Variants in CABIN1 observed in about 807,000 individuals in gnomAD.
CABIN1 encodes calcineurin-binding protein cabin-1.
A neutral mutation model predicts 227.7 loss-of-function variants in CABIN1; 133 were observed. That is an observed-to-expected ratio of 0.58 (90% CI 0.51 to 0.67). The LOEUF is 0.67. Ranked by LOEUF, CABIN1 falls within the 30% of genes least tolerant of loss-of-function variation. The probability of loss-of-function intolerance (pLI) is 0.00; values close to 1 mark genes in which losing one functional copy is unlikely to be tolerated. For synonymous variants in CABIN1, 1,086 were observed against 1,155.1 expected (o/e 0.94, Z 1.21); for missense variants, 2,408 against 2,852.5 (o/e 0.84, Z 3.55).
intron 26 of CABIN1, among the ~76,000 whole-genome samples, chr22:24,111,700 C>A (rs1010129495): frequency 1.3e-5 from 2 of 152,186 alleles, no homozygotes; most frequent in Non-Finnish European, 2.9e-5. Flanking sequence ...AGGAAAAGAT[C>A]AAAATTCAAA....
intron 2 of CABIN1, among the ~76,000 whole-genome samples, chr22:24,035,864 C>T (rs1413181870): frequency 6.6e-6 from 1 of 151,628 alleles, no homozygotes; most frequent in Non-Finnish European, 1.5e-5. Flanking sequence ...ACTTTCTGCA[C>T]AGATTGGCAT....
intron 25 of CABIN1, 60 bp downstream of exon 25, chr22:24,096,142 C>T (rs2041881165): frequency 3.8e-6 from 6 of 1,567,670 alleles, no homozygotes; most frequent in Admixed American, 3.3e-5. Context: ...CCAGATGGCT[C>T]GTTTACTGCA....
rs370538235 is a variant in CABIN1 at position 24,168,463 on chromosome 22, C to T, written c.5699C>T (p.Ala1900Val). The T allele has an allele frequency of 6.4e-6, 10 of 1,571,876 alleles. No homozygotes were observed. The highest frequency in any genetic ancestry group is 5.4e-5 in the African/African-American group (4 of 73,842). The change falls in exon 33 of 37, where the codon GCG (alanine) becomes GTG (valine). Residue 1900 changes from alanine to valine, a missense_variant. Around this residue, in one of 3 missense-constraint regions of CABIN1, gnomAD observed 714 missense variants for 773.8 expected, o/e 0.92. Transcript: ENST00000263119. ...MLIKQVDEEA[A>V]LEQAVKFCQV... The stretch of plus-strand genomic sequence containing the variant: ...CCTGTTAAGGTGGATGAGGAGGCTG[C>T]GCTGGAGCAGGCTGTGAAGTTCTGC...
At chr22:24,173,557 C>G (rs2046949269) in intron 34 of CABIN1, among the ~76,000 whole-genome samples, 1 of 152,168 alleles carries the variant, frequency 6.6e-6, no homozygotes, top group South Asian at 2.1e-4. Flanking sequence ...TAGTGCTGGC[C>G]AGGCGCGGTG....
chr22:24,138,933 T>C (rs1473567520), intron 29 of CABIN1, among the ~76,000 whole-genome samples: 6 of 152,152 alleles, frequency 3.9e-5, no homozygotes, highest in Non-Finnish European at 7.4e-5. Context: ...ATGAAGGTCT[T>C]ATGGCCCACA....
At position 24,081,205 on chromosome 22, in the gene CABIN1, C is replaced by T. The variant is rs1209138607; in HGVS notation, c.2749-2023C>T. ...TTCAATCATTTAAAAATGCAGACATCGTTCTTAACTCCCGGCCTACAAAAC... is the reference window on the plus strand; with the variant it reads ...TTCAATCATTTAAAAATGCAGACATTGTTCTTAACTCCCGGCCTACAAAAC... On this transcript the variant is annotated intron_variant, in intron 19 of 36. Transcript: ENST00000263119. Among the ~76,000 whole-genome samples, 4 of 152,042 alleles carry T rather than the reference C, an allele frequency of 2.6e-5. No homozygotes were observed. In the South Asian group the frequency reaches 6.2e-4, roughly 24 times the overall value.
rs761270955 is a variant in CABIN1 at position 24,062,017 on chromosome 22, G to A, written c.1688G>A (p.Ser563Asn). The A allele has an allele frequency of 2.5e-6, 4 of 1,613,554 alleles. No homozygotes were observed. Among genetic ancestry groups the A allele is most frequent in the East Asian group, 4.5e-5 (2 of 44,888 alleles). Residue 563 changes from serine to asparagine, a missense_variant, in exon 13 of 37, where the codon AGC (serine) becomes AAC (asparagine). By Grantham distance (46) the Ser-to-Asn change is conservative. This residue lies in a region of CABIN1 where 1,045 missense variants were observed against 1,168.4 expected (regional missense o/e 0.89). Transcript: ENST00000263119. ...LDQWLLTKGR[S>N]SAVSPRNCPA... Reference sequence around the variant, plus strand: ...CAGTGGCTGCTGACCAAAGGCAGAAGCTCTGCAGGTAGGAGGCATTATGTG... The same window carrying A: ...CAGTGGCTGCTGACCAAAGGCAGAAACTCTGCAGGTAGGAGGCATTATGTG...
At chr22:24,156,775 G>T (rs1011277885) in intron 29 of CABIN1, among the ~76,000 whole-genome samples, 1 of 152,142 alleles carries the variant, frequency 6.6e-6, no homozygotes, top group Non-Finnish European at 1.5e-5. Flanking sequence ...GGGATGGGGG[G>T]TGGGCACATA....
intron 16 of CABIN1, among the ~76,000 whole-genome samples, chr22:24,068,652 C>CT (rs1198596152): frequency 5.3e-5 from 8 of 151,972 alleles, no homozygotes; most frequent in Non-Finnish European, 7.4e-5. Flanking sequence ...ATTTGGAGTG[C>CT]TTTTTTTTGT....
chr22:24,141,395 G>A (rs756966629), intron 29 of CABIN1, among the ~76,000 whole-genome samples: 9 of 152,208 alleles, frequency 5.9e-5, no homozygotes, highest in Non-Finnish European at 8.8e-5. Flanking sequence ...TCTTCCTAGC[G>A]GATAGGTGGC....
chr22:24,081,824 C>T (rs1004884757), intron 19 of CABIN1, among the ~76,000 whole-genome samples: 2 of 151,702 alleles, frequency 1.3e-5, no homozygotes, highest in African/African-American at 4.8e-5. Flanking sequence ...ATCAGGAGTT[C>T]GAGACCAGCC....
intron 27 of CABIN1, among the ~76,000 whole-genome samples, chr22:24,115,918 C>T (rs2043058003): frequency 6.6e-6 from 1 of 152,204 alleles, no homozygotes. Context: ...CAGGGCACAA[C>T]AGGTCCAGAT....
chr22:24,104,603 G>A (rs1324144325), intron 26 of CABIN1, among the ~76,000 whole-genome samples: 1 of 152,200 alleles, frequency 6.6e-6, no homozygotes, highest in Non-Finnish European at 1.5e-5. Context: ...TGCCTGCTGT[G>A]TATCTTCCTC....
chr22:24,087,312 G>A (rs1273850244), intron 22 of CABIN1, 140 bp from the exon 23 acceptor site: 2 of 1,024,218 alleles, frequency 2.0e-6, no homozygotes, highest in Non-Finnish European at 2.9e-6. Context: ...TGGCATTAGT[G>A]AGTGGCAGAG....
chr22:24,059,421 A>T, intron 11 of CABIN1, 58 bp downstream of exon 11: 1 of 1,592,962 alleles, frequency 6.3e-7, no homozygotes, highest in Non-Finnish European at 8.6e-7. Flanking sequence ...ACTATCCTAT[A>T]ACCTGCTTAT....
Position 24,088,392 on chromosome 22 carries a change from G to A in CABIN1, c.3525+679G>A, listed in dbSNP as rs530032502. The stretch of plus-strand genomic sequence containing the variant: ...TCGGAGACTGAGGCGGGCGGATCAC[G>A]AGGTCAGGAGTATGAGACCAGCCTG... On this transcript the variant is annotated intron_variant, in intron 23 of 36. Coordinates refer to ENST00000263119, the MANE Select transcript of CABIN1 (RefSeq NM_012295.4). 5.3e-5 allele frequency among the ~76,000 whole-genome samples: 8 copies of A among 152,232 alleles called. No homozygotes were observed. In the South Asian group the frequency reaches 1.7e-3, roughly 32 times the overall value.
intron 8 of CABIN1, among the ~76,000 whole-genome samples, chr22:24,053,761 C>T (rs1351192051): frequency 6.6e-6 from 1 of 152,098 alleles, no homozygotes; most frequent in African/African-American, 2.4e-5. Flanking sequence ...GCTAGGGGCG[C>T]AGTGTGGCAG....
Position 24,038,473 on chromosome 22 carries a change from G to A in CABIN1, c.210+12G>A. ...GCCTGCTGCGGGAGGTGAGGCATCA[G>A]CAGGCCAGGCAGTGTGCCGTGGTGG... On this transcript the variant is annotated intron_variant, in intron 4 of 36. Transcript: ENST00000263119. 3 of 1,591,122 alleles carry A rather than the reference G, an allele frequency of 1.9e-6. No individual in the cohort carries two copies. Among genetic ancestry groups the A allele is most frequent in the Non-Finnish European group, 2.6e-6 (3 of 1,160,120 alleles).
At chr22:24,040,439 T>C (rs535783113) in intron 4 of CABIN1, among the ~76,000 whole-genome samples, 1 of 152,358 alleles carries the variant, frequency 6.6e-6, no homozygotes, top group African/African-American at 2.4e-5. Flanking sequence ...CCGTGAGTTT[T>C]TCTGTTAGAA....
Sources: allele counts gnomAD v4.1 joint callset (sites outside exome capture counted in the v4.1 genomes callset), GRCh38; gene constraint gnomAD v4.1.1; regional missense constraint gnomAD v4.1.1; transcripts MANE v1.5; gene names NCBI Gene and HGNC (gene_info 2026-07-23, HGNC 2026-07-21).